Variants in SLC35D4 observed in about 807,000 individuals in gnomAD.
The protein encoded by SLC35D4 is solute carrier family 35 member D4.
chr18:23,387,828 T>C, the SLC35D4 span, among the ~76,000 whole-genome samples: 2 of 152,224 alleles, frequency 1.3e-5, no homozygotes, highest in African/African-American at 4.8e-5. Context: ...TATTTTTTCA[T>C]TTATCTTTGT....
the SLC35D4 span, among the ~76,000 whole-genome samples, chr18:23,348,204 T>C: frequency 6.6e-6 from 1 of 152,250 alleles, no homozygotes; most frequent in Admixed American, 6.5e-5. Flanking sequence ...ACATACTTCA[T>C]ATGATTTCAG....
At chr18:23,384,641 G>A in the SLC35D4 span, among the ~76,000 whole-genome samples, 1 of 152,176 alleles carries the variant, frequency 6.6e-6, no homozygotes, top group African/African-American at 2.4e-5. Flanking sequence ...CTAGTGCCGC[G>A]GCACCCTGTG....
At chr18:23,246,315 G>T in the SLC35D4 span, among the ~76,000 whole-genome samples, 8 of 151,828 alleles carry the variant, frequency 5.3e-5, no homozygotes, top group East Asian at 1.5e-3. Flanking sequence ...AGGCCAAGAA[G>T]GAGTCGCTGC....
chr18:23,417,320 G>T, the SLC35D4 span, among the ~76,000 whole-genome samples: 1 of 151,990 alleles, frequency 6.6e-6, no homozygotes, highest in Non-Finnish European at 1.5e-5. Context: ...ATGAGTACAT[G>T]TAGACATTGT....
chr18:23,399,715 G>C, the SLC35D4 span: 1 of 1,497,468 alleles, frequency 6.7e-7, no homozygotes, highest in Non-Finnish European at 9.2e-7. Flanking sequence ...AGCTGGAAAG[G>C]CTGACCCTCC....
chr18:23,375,865 G>A, the SLC35D4 span, among the ~76,000 whole-genome samples: 1 of 152,146 alleles, frequency 6.6e-6, no homozygotes, highest in Admixed American at 6.5e-5. Context: ...TTTGGAGCTG[G>A]TTCAGTAATC....
the SLC35D4 span, chr18:23,252,874 A>T: frequency 1.2e-6 from 1 of 818,266 alleles, no homozygotes; most frequent in Non-Finnish European, 2.0e-6. Context: ...TGGCTTTGGG[A>T]GTTGTAAGTT....
the SLC35D4 span, among the ~76,000 whole-genome samples, chr18:23,313,156 A>AAAAAAAAAAAAT: frequency 6.8e-6 from 1 of 146,524 alleles, no homozygotes; most frequent in Admixed American, 6.8e-5. Context: ...AAAAAAAAAA[A>AAAAAAAAAAAAT]AGAACCTGAG....
At chr18:23,332,956 C>T in the SLC35D4 span, among the ~76,000 whole-genome samples, 1 of 152,076 alleles carries the variant, frequency 6.6e-6, no homozygotes, top group Admixed American at 6.5e-5. Context: ...TGCTGGGCTG[C>T]TTGTCACTAC....
the SLC35D4 span, among the ~76,000 whole-genome samples, chr18:23,333,911 C>T: frequency 2.0e-5 from 3 of 152,232 alleles, no homozygotes; most frequent in South Asian, 6.2e-4. Flanking sequence ...TTTGGAAGTA[C>T]TGTAAAAATC....
the SLC35D4 span, among the ~76,000 whole-genome samples, chr18:23,250,697 C>T: frequency 1.3e-4 from 20 of 152,136 alleles, no homozygotes; most frequent in Admixed American, 1.1e-3. Flanking sequence ...TGTGGTTAGC[C>T]GGGACCAGAA....
chr18:23,361,122 A>AAG, the SLC35D4 span, among the ~76,000 whole-genome samples: 41 of 144,080 alleles, frequency 2.8e-4, no homozygotes, highest in African/African-American at 9.6e-4. Context: ...AAAAAAAAAA[A>AAG]AAAGAAAAAG....
chr18:23,397,532 G>A, the SLC35D4 span, among the ~76,000 whole-genome samples: 1 of 152,192 alleles, frequency 6.6e-6, no homozygotes, highest in Non-Finnish European at 1.5e-5. Context: ...TGTAATACTG[G>A]AGCCTCTGGA....
the SLC35D4 span, among the ~76,000 whole-genome samples, chr18:23,290,791 TA>T: frequency 3.0e-5 from 4 of 134,770 alleles, no homozygotes; most frequent in Admixed American, 2.1e-4. Context: ...CACACCCTGC[TA>T]ATTTTTTTTT....
the SLC35D4 span, among the ~76,000 whole-genome samples, chr18:23,245,529 G>T: frequency 1.3e-5 from 2 of 150,434 alleles, no homozygotes; most frequent in African/African-American, 4.9e-5. Flanking sequence ...AAGCGAAATA[G>T]GTATCAGTGT....
the SLC35D4 span, among the ~76,000 whole-genome samples, chr18:23,239,635 G>A: frequency 6.6e-6 from 1 of 152,184 alleles, no homozygotes; most frequent in South Asian, 2.1e-4. Flanking sequence ...TGGGGAACAG[G>A]TATAGAATTC....
the SLC35D4 span, chr18:23,437,668 C>G: frequency 8.7e-7 from 1 of 1,144,654 alleles, no homozygotes; most frequent in Non-Finnish European, 1.2e-6. Flanking sequence ...CCATCTCCAT[C>G]GCCACCAGGA....
At chr18:23,265,304 G>A in the SLC35D4 span, among the ~76,000 whole-genome samples, 14 of 152,032 alleles carry the variant, frequency 9.2e-5, no homozygotes, top group Admixed American at 3.9e-4. Context: ...TGCTAGTCCC[G>A]GGATCTCACC....
At chr18:23,385,706 G>C in the SLC35D4 span, among the ~76,000 whole-genome samples, 1 of 152,172 alleles carries the variant, frequency 6.6e-6, no homozygotes, top group Non-Finnish European at 1.5e-5. Context: ...GGTTCTGAGG[G>C]ACCCAGGAAC....
Sources: gnomAD v4.1 joint callset for allele counts (sites outside exome capture counted in the v4.1 genomes callset) on GRCh38, gnomAD v4.1.1 for gene constraint, MANE v1.5 for transcripts, NCBI Gene and HGNC (gene_info 2026-07-23, HGNC 2026-07-21) for gene names.